Variants in DYM observed in about 807,000 individuals in gnomAD.
DYM encodes the protein dymeclin.
A neutral mutation model predicts 93.1 loss-of-function variants in DYM; 78 were observed. The ratio of observed to expected loss-of-function variants is 0.84; its 90% CI spans 0.70 to 1.01. The LOEUF is 1.01. Among genes scored for constraint, DYM ranks in the 50% least tolerant of loss-of-function variants. The pLI is 0.00. For synonymous variants in DYM, 321 were observed against 319.7 expected (o/e 1.00, Z -0.04); for missense variants, 789 against 845.0 (o/e 0.93, Z 0.82).
intron 13 of DYM, among the ~76,000 whole-genome samples, chr18:49,246,952 T>C (rs1053129395): frequency 1.3e-5 from 2 of 152,200 alleles, no homozygotes; most frequent in African/African-American, 4.8e-5. Context: ...AATTCCCCAC[T>C]CTCTCATGTT....
At chr18:49,112,615 C>T (rs944199275) in intron 16 of DYM, among the ~76,000 whole-genome samples, 12 of 152,158 alleles carry the variant, frequency 7.9e-5, no homozygotes, top group African/African-American at 2.9e-4. Flanking sequence ...AGAACTCTTC[C>T]TAGCTTTCTA....
At chr18:49,454,627 C>T (rs1401708283) in intron 1 of DYM, among the ~76,000 whole-genome samples, 5 of 151,990 alleles carry the variant, frequency 3.3e-5, no homozygotes, top group Non-Finnish European at 7.4e-5. Context: ...AGGCCGGGTG[C>T]GGTGGCTCAG....
intron 14 of DYM, among the ~76,000 whole-genome samples, chr18:49,177,822 T>A (rs903039487): frequency 1.3e-5 from 2 of 152,124 alleles, no homozygotes; most frequent in African/African-American, 4.8e-5. Context: ...CCACAATGCC[T>A]CCTGTATATA....
chr18:49,386,178 C>T (rs2068601396), intron 3 of DYM, among the ~76,000 whole-genome samples: 1 of 151,842 alleles, frequency 6.6e-6, no homozygotes, highest in Non-Finnish European at 1.5e-5. Flanking sequence ...TCATGATTTT[C>T]AGGGGAACAA....
chr18:49,415,334 A>AT (rs1370235289), intron 2 of DYM, among the ~76,000 whole-genome samples: 2 of 150,176 alleles, frequency 1.3e-5, no homozygotes, highest in Non-Finnish European at 3.0e-5. Flanking sequence ...AAAAAAAAAA[A>AT]AAAAAAAATT....
Position 49,452,706 on chromosome 18 carries a change from C to G in DYM, c.-54+7692G>C, listed in dbSNP as rs2082630562. Among the ~76,000 whole-genome samples, 2 of 137,948 alleles carry G rather than the reference C, an allele frequency of 1.4e-5. 1 individual carries two copies. Among genetic ancestry groups the G allele is most frequent in the African/African-American group, 5.6e-5 (2 of 35,726 alleles). 90.5% of individuals were successfully genotyped at this position (137,948 alleles called of 152,430 possible). A position where few individuals can be genotyped will look rare whatever the true frequency, so the allele number is the denominator to read the frequency against. ...AGCGCCGCTCCCTGCTCCCCAGCGC[C>G]TGGTCCCATCAACCGCCCAAGGGCT... On this transcript the variant is annotated intron_variant, in intron 1 of 17. Transcript: ENST00000675505.
At chr18:49,369,323 T>C (rs765572004) in intron 5 of DYM, among the ~76,000 whole-genome samples, 2 of 152,142 alleles carry the variant, frequency 1.3e-5, no homozygotes, top group South Asian at 2.1e-4. Flanking sequence ...TCAGCCTCTA[T>C]GGATAACAGA....
chr18:49,037,782 A>C lies in DYM; in HGVS notation c.*6273T>G, dbSNP rs932445357. Among the ~76,000 whole-genome samples, 1 of 152,164 alleles carries C rather than the reference A, an allele frequency of 6.6e-6. No homozygotes were observed. On this transcript the variant is annotated 3_prime_UTR_variant, in exon 18 of 18. Coordinates refer to ENST00000675505, the MANE Select transcript of DYM (RefSeq NM_001353214.3). ...TTTGTAAATAATTAGTCTTGATTCT[A>C]TTATGGTCAGAGAACATATTTCATT...
At chr18:49,289,772 T>TATATATATAC (rs1555678772) in intron 8 of DYM, among the ~76,000 whole-genome samples, 2 of 36,640 alleles carry the variant, frequency 5.5e-5, no homozygotes, top group East Asian at 6.5e-4. Flanking sequence ...TATATATATA[T>TATATATATAC]ACACATATAT....
intron 3 of DYM, among the ~76,000 whole-genome samples, chr18:49,380,098 A>T (rs1336526757): frequency 6.6e-6 from 1 of 152,176 alleles, no homozygotes; most frequent in Non-Finnish European, 1.5e-5. Flanking sequence ...TAAAAACTCA[A>T]AAATTGATTA....
rs767902528 is a variant in DYM at position 49,098,910 on chromosome 18, A to C, written c.1912-1395T>G. Among the ~76,000 whole-genome samples the C allele has an allele frequency of 9.8e-5, 15 of 152,340 alleles. No individual in the cohort carries two copies. The South Asian group carries it at 2.1e-3, about 21-fold the overall frequency. On this transcript the variant is annotated intron_variant, in intron 16 of 17. Transcript: ENST00000675505. ...CCTATTTTTAAAATATGCAACAATG[A>C]ATACACAAAATAAATGCTTTCCTTT...
chr18:49,181,651 TA>T (rs997816262), intron 14 of DYM, among the ~76,000 whole-genome samples: 5 of 152,186 alleles, frequency 3.3e-5, no homozygotes, highest in African/African-American at 1.2e-4. Flanking sequence ...TTTGGATTTT[TA>T]GATTAGGGAT....
chr18:49,333,631 G>A, intron 7 of DYM, 97 bp downstream of exon 7: 11 of 1,309,716 alleles, frequency 8.4e-6, no homozygotes, highest in Non-Finnish European at 1.2e-5. Context: ...GGAAATACCT[G>A]GTTGGAGATA....
chr18:49,173,688 A>G (rs1286641745), intron 14 of DYM, among the ~76,000 whole-genome samples: 1 of 152,146 alleles, frequency 6.6e-6, no homozygotes, highest in African/African-American at 2.4e-5. Context: ...TTTGTGTCCT[A>G]TGATCCTGCT....
intron 2 of DYM, among the ~76,000 whole-genome samples, chr18:49,420,038 C>T (rs2073466607): frequency 6.6e-6 from 1 of 152,176 alleles, no homozygotes; most frequent in Admixed American, 6.5e-5. Context: ...CCCAGTATGA[C>T]CTTTCTCACC....
intron 1 of DYM, among the ~76,000 whole-genome samples, chr18:49,458,827 A>G (rs2083229426): frequency 6.6e-6 from 1 of 152,208 alleles, no homozygotes. Flanking sequence ...TGACAGAGCG[A>G]GACTCTGCCT....
chr18:49,145,877 C>CT (rs1391911187), intron 15 of DYM, among the ~76,000 whole-genome samples: 1 of 151,666 alleles, frequency 6.6e-6, no homozygotes, highest in Non-Finnish European at 1.5e-5. Flanking sequence ...TACTTGTTTT[C>CT]TTTTTATATT....
chr18:49,296,155 C>T (rs1333193338), intron 8 of DYM, among the ~76,000 whole-genome samples: 1 of 152,146 alleles, frequency 6.6e-6, no homozygotes, highest in Non-Finnish European at 1.5e-5. Flanking sequence ...TCTCAAACTC[C>T]TGGCCTCAGG....
At chr18:49,148,630 T>A (rs1216647011) in intron 15 of DYM, among the ~76,000 whole-genome samples, 1 of 152,148 alleles carries the variant, frequency 6.6e-6, no homozygotes, top group Admixed American at 6.5e-5. Context: ...TCATAGTAAA[T>A]TAAAGTTAGC....
Sources: allele counts gnomAD v4.1 joint callset (sites outside exome capture counted in the v4.1 genomes callset), GRCh38; gene constraint gnomAD v4.1.1; transcripts MANE v1.5; gene names NCBI Gene and HGNC (gene_info 2026-07-23, HGNC 2026-07-21).